KIAA1217: variants seen among roughly 807,000 people sequenced by gnomAD.
The protein encoded by KIAA1217 is KIAA1217.
KIAA1217 carries 88 observed loss-of-function variants against 163.9 expected under a neutral mutation model. That is an observed-to-expected ratio of 0.54 (90% CI 0.45 to 0.64). The LOEUF is 0.64. Ranked by LOEUF, KIAA1217 falls within the 30% of genes least tolerant of loss-of-function variation. The probability of loss-of-function intolerance (pLI) is 0.00; values close to 1 mark genes in which losing one functional copy is unlikely to be tolerated. For missense variants in KIAA1217, 2,372 were observed against 2,475.0 expected (o/e 0.96, Z 0.88); for synonymous variants, 903 against 923.1 (o/e 0.98, Z 0.39).
chr10:24,143,211 T>A (rs1004222756), intron 2 of KIAA1217, among the ~76,000 whole-genome samples: 1 of 152,306 alleles, frequency 6.6e-6, no homozygotes, highest in Admixed American at 6.5e-5. Flanking sequence ...AGAGACCCTC[T>A]GGACACCACA....
chr10:23,923,641 A>AGT (rs11382496), intron 1 of KIAA1217, among the ~76,000 whole-genome samples: 3 of 151,806 alleles, frequency 2.0e-5, no homozygotes, highest in Non-Finnish European at 4.4e-5. Flanking sequence ...AAGCCACAAC[A>AGT]ACAGGTCACC....
intron 2 of KIAA1217, among the ~76,000 whole-genome samples, chr10:24,304,359 A>C (rs575603236): frequency 6.6e-6 from 1 of 151,858 alleles, no homozygotes; most frequent in African/African-American, 2.4e-5. Context: ...ATTTAAAAAA[A>C]TTTTTTTACT....
intron 2 of KIAA1217, among the ~76,000 whole-genome samples, chr10:24,071,574 TACATGATTTGGGAAGTC>T (rs1206569049): frequency 2.6e-5 from 4 of 152,198 alleles, no homozygotes; most frequent in Non-Finnish European, 5.9e-5. Context: ...CATTTTGAAG[TACATGATTTGGGAAGTC>T]ACATTTCTGC....
At chr10:24,035,604 C>A (rs751090044) in intron 2 of KIAA1217, among the ~76,000 whole-genome samples, 2 of 152,158 alleles carry the variant, frequency 1.3e-5, no homozygotes, top group Non-Finnish European at 2.9e-5. Flanking sequence ...ATGATGGAAA[C>A]CCCAGTTAGA....
At chr10:23,726,214 G>C (rs1838121407) in intron 1 of KIAA1217, among the ~76,000 whole-genome samples, 1 of 150,296 alleles carries the variant, frequency 6.7e-6, no homozygotes, top group Admixed American at 6.6e-5. Context: ...CTTTTCTGTA[G>C]TATTAACCTC....
chr10:23,950,358 T>TA (rs1844275930), intron 1 of KIAA1217, among the ~76,000 whole-genome samples: 1 of 152,332 alleles, frequency 6.6e-6, no homozygotes, highest in South Asian at 2.1e-4. Context: ...ACATGTCTTC[T>TA]ATGTTTTCAT....
In KIAA1217 at chr10:24,546,403, A is replaced by C; in HGVS notation, c.*79A>C. On this transcript the variant is annotated 3_prime_UTR_variant, in exon 21 of 21. Transcript: ENST00000376454. ...TCTACAACAACTGTTTTCACAAGAGAATGTAACATATTGCTGTATCGTTTG... is the reference window on the plus strand; with the variant it reads ...TCTACAACAACTGTTTTCACAAGAGCATGTAACATATTGCTGTATCGTTTG... 7.4e-7 allele frequency: 1 copy of C among 1,350,498 alleles called. No individual in the cohort carries two copies. The highest frequency in any genetic ancestry group is 1.0e-6 in the Non-Finnish European group (1 of 991,300). The allele number at this position is 1,350,498 out of a possible 1,614,324, so 83.7% of individuals were successfully genotyped here.
At position 24,528,036 on chromosome 10, in the gene KIAA1217, A is replaced by T. The variant is rs1484809060; in HGVS notation, c.2999A>T (p.Lys1000Met). 1 of 1,614,074 alleles carries T rather than the reference A, an allele frequency of 6.2e-7. No homozygotes were observed. Among genetic ancestry groups the T allele is most frequent in the Admixed American group, 1.7e-5 (1 of 60,008 alleles). The change falls in exon 14 of 21, where the codon AAG becomes ATG. Residue 1000 changes from lysine to methionine, a missense_variant. By Grantham distance (95) the Lys-to-Met change is moderately conservative (BLOSUM62 -1). Transcript: ENST00000376454. ...GAAGAAGCTCAGGCCAATATCATGAAGTCAATACCAAATCTGGAGATGCCG... is the reference window on the plus strand; with the variant it reads ...GAAGAAGCTCAGGCCAATATCATGATGTCAATACCAAATCTGGAGATGCCG... ...LLEEAQANIMKSIPNLEMPPA... is the reference protein window; with the variant it reads ...LLEEAQANIMMSIPNLEMPPA...
At chr10:23,909,540 A>G (rs1042186644) in intron 1 of KIAA1217, among the ~76,000 whole-genome samples, 19 of 150,102 alleles carry the variant, frequency 1.3e-4, no homozygotes, top group Admixed American at 5.3e-4. Context: ...TATAAAAAAA[A>G]GAAAAATGAA....
intron 2 of KIAA1217, among the ~76,000 whole-genome samples, chr10:24,222,885 C>T (rs1208344805): frequency 6.6e-6 from 1 of 152,042 alleles, no homozygotes; most frequent in African/African-American, 2.4e-5. Flanking sequence ...TGCTGGTTGC[C>T]CATTTTTATG....
chr10:24,176,626 T>C (rs1013238163), intron 2 of KIAA1217, among the ~76,000 whole-genome samples: 7 of 152,254 alleles, frequency 4.6e-5, no homozygotes, highest in Admixed American at 4.6e-4. Flanking sequence ...ATAAAAGTTC[T>C]CCAAGTCCCC....
At chr10:23,989,756 C>T (rs1348760965) in intron 1 of KIAA1217, among the ~76,000 whole-genome samples, 2 of 152,188 alleles carry the variant, frequency 1.3e-5, no homozygotes, top group Non-Finnish European at 2.9e-5. Context: ...CTTCAAATAA[C>T]TGTAAGTTAC....
At chr10:24,455,894 T>C (rs1371464336) in intron 5 of KIAA1217, among the ~76,000 whole-genome samples, 1 of 152,222 alleles carries the variant, frequency 6.6e-6, no homozygotes, top group Non-Finnish European at 1.5e-5. Flanking sequence ...AAAGTACTTT[T>C]TGTTTTTTTC....
intron 6 of KIAA1217, chr10:24,481,203 C>T (rs772725284): frequency 6.6e-6 from 1 of 152,162 alleles, no homozygotes; most frequent in African/African-American, 2.4e-5. Context: ...GGTTCCCATA[C>T]ACCAGGAACA....
At chr10:24,171,820 A>G (rs2065643683) in intron 2 of KIAA1217, among the ~76,000 whole-genome samples, 1 of 152,202 alleles carries the variant, frequency 6.6e-6, no homozygotes, top group Non-Finnish European at 1.5e-5. Context: ...ACAAATAAAT[A>G]AATGAATAAA....
At chr10:24,097,866 G>C (rs1433967322) in intron 2 of KIAA1217, among the ~76,000 whole-genome samples, 1 of 152,146 alleles carries the variant, frequency 6.6e-6, no homozygotes, top group African/African-American at 2.4e-5. Flanking sequence ...ATTGTGCCAA[G>C]GCCAGGCCAC....
chr10:24,132,638 CAA>C (rs1482388359), intron 2 of KIAA1217, among the ~76,000 whole-genome samples: 1 of 152,020 alleles, frequency 6.6e-6, no homozygotes, highest in Non-Finnish European at 1.5e-5. Flanking sequence ...TATGAAATTC[CAA>C]AGTGAGGTAC....
At chr10:23,819,911 A>G (rs1432346463) in intron 1 of KIAA1217, among the ~76,000 whole-genome samples, 1 of 152,176 alleles carries the variant, frequency 6.6e-6, no homozygotes, top group Non-Finnish European at 1.5e-5. Flanking sequence ...CTCCGTGTAA[A>G]ATAAAACTTC....
chr10:23,959,523 A>G (rs1195107135), intron 1 of KIAA1217, among the ~76,000 whole-genome samples: 1 of 152,220 alleles, frequency 6.6e-6, no homozygotes, highest in African/African-American at 2.4e-5. Context: ...CTTAAAAAAT[A>G]AATGAATGCA....
Sources: allele counts gnomAD v4.1 joint callset (sites outside exome capture counted in the v4.1 genomes callset), GRCh38; gene constraint gnomAD v4.1.1; transcripts MANE v1.5; gene names NCBI Gene and HGNC (gene_info 2026-07-23, HGNC 2026-07-21).